The following DLGAP2 variants were observed in gnomAD, a reference collection of about 807,000 sequenced individuals.
DLGAP2 encodes the protein disks large-associated protein 2.
A neutral mutation model predicts 100.3 loss-of-function variants in DLGAP2; 26 were observed. The observed-to-expected ratio is 0.26, with a 90% CI of 0.19 to 0.36. The LOEUF (loss-of-function observed/expected upper bound fraction) is 0.36. DLGAP2 is among the 10% of genes least tolerant of loss of function. The probability of loss-of-function intolerance (pLI) is 1.00; values close to 1 mark genes in which losing one functional copy is unlikely to be tolerated. For synonymous variants in DLGAP2, 886 were observed against 630.1 expected, an observed-to-expected ratio of 1.41 and a Z score of -6.08; for missense variants, 1,858 against 1,453.2, an observed-to-expected ratio of 1.28 and a Z score of -4.53.
chr8:1,589,175 A>T (rs1796216887), intron 6 of DLGAP2, among the ~76,000 whole-genome samples: 1 of 152,216 alleles, frequency 6.6e-6, no homozygotes, highest in East Asian at 1.9e-4. Context: ...TGCAAAAAGC[A>T]TGTAGCACTA....
intron 2 of DLGAP2, among the ~76,000 whole-genome samples, chr8:1,160,741 C>A (rs1007909682): frequency 5.3e-5 from 8 of 152,208 alleles, no homozygotes; most frequent in Non-Finnish European, 8.8e-5. Context: ...TAAAGCCACC[C>A]CGAGCCTGGC....
chr8:1,041,035 G>A (rs1044553522), intron 2 of DLGAP2, among the ~76,000 whole-genome samples: 3 of 152,182 alleles, frequency 2.0e-5, no homozygotes, highest in East Asian at 1.9e-4. Context: ...TGTGAGTGAG[G>A]ATGGCATCTT....
chr8:875,238 A>G (rs1351429941), intron 1 of DLGAP2, among the ~76,000 whole-genome samples: 1 of 152,078 alleles, frequency 6.6e-6, no homozygotes, highest in East Asian at 1.9e-4. Context: ...TAATCCATTC[A>G]CATTTAATAT....
At chr8:1,599,063 T>C (rs1240781325) in intron 6 of DLGAP2, among the ~76,000 whole-genome samples, 1 of 152,244 alleles carries the variant, frequency 6.6e-6, no homozygotes, top group Non-Finnish European at 1.5e-5. Context: ...TCTGGTATGT[T>C]GTGTCTTTGT....
At chr8:852,483 T>C (rs566231399) in intron 1 of DLGAP2, among the ~76,000 whole-genome samples, 1 of 152,252 alleles carries the variant, frequency 6.6e-6, no homozygotes, top group Non-Finnish European at 1.5e-5. Flanking sequence ...TAAATTGTAA[T>C]GAATTATTAG....
chr8:1,343,380 G>T (rs537299340), intron 3 of DLGAP2, among the ~76,000 whole-genome samples: 1 of 152,254 alleles, frequency 6.6e-6, no homozygotes, highest in South Asian at 2.1e-4. Flanking sequence ...AACCGGAGTT[G>T]CCCACGAGCC....
intron 1 of DLGAP2, among the ~76,000 whole-genome samples, chr8:825,488 T>C (rs1796670527): frequency 6.6e-6 from 1 of 152,240 alleles, no homozygotes; most frequent in Admixed American, 6.5e-5. Flanking sequence ...CACCAAGTCC[T>C]GTGGGCAAAG....
At chr8:1,337,899 C>T (rs1225757503) in intron 3 of DLGAP2, among the ~76,000 whole-genome samples, 1 of 152,172 alleles carries the variant, frequency 6.6e-6, no homozygotes, top group Non-Finnish European at 1.5e-5. Flanking sequence ...AACAGTTCTC[C>T]AAAGAAGGCC....
At chr8:1,244,935 G>A (rs7821163) in intron 2 of DLGAP2, among the ~76,000 whole-genome samples, 30,720 of 152,170 alleles carry the variant, frequency 0.2, 3,796 homozygotes, top group African/African-American at 0.34. Flanking sequence ...AAGACAAGCC[G>A]AGAAAGGGAT....
intron 2 of DLGAP2, among the ~76,000 whole-genome samples, chr8:964,586 G>A (rs895531728): frequency 2.6e-5 from 4 of 152,244 alleles, no homozygotes; most frequent in African/African-American, 4.8e-5. Flanking sequence ...TTCCCCACGC[G>A]GGAAGCCAGA....
intron 3 of DLGAP2, among the ~76,000 whole-genome samples, chr8:1,417,703 C>A (rs1336944204): frequency 1.4e-5 from 2 of 146,942 alleles, no homozygotes; most frequent in Non-Finnish European, 3.0e-5. Context: ...GGCCCCACTC[C>A]TGCCTCACTC....
chr8:1,117,236 G>A (rs1250324542), intron 2 of DLGAP2, among the ~76,000 whole-genome samples: 1 of 152,222 alleles, frequency 6.6e-6, no homozygotes, highest in East Asian at 1.9e-4. Flanking sequence ...CCGAGCTAGT[G>A]CCTCGGGGCT....
intron 1 of DLGAP2, among the ~76,000 whole-genome samples, chr8:778,831 GAGGC>G (rs1269203004): frequency 6.6e-6 from 1 of 152,252 alleles, no homozygotes; most frequent in African/African-American, 2.4e-5. Flanking sequence ...GGAGCCTACA[GAGGC>G]AGGCAGGCCT....
chr8:1,063,571 C>T (rs1364098454), intron 2 of DLGAP2, among the ~76,000 whole-genome samples: 1 of 147,888 alleles, frequency 6.8e-6, no homozygotes. Context: ...AAATATGCAC[C>T]TCTTTAAATG....
At chr8:1,309,789 T>C (rs1800571294) in intron 3 of DLGAP2, among the ~76,000 whole-genome samples, 1 of 152,212 alleles carries the variant, frequency 6.6e-6, no homozygotes, top group Admixed American at 6.5e-5. Flanking sequence ...GTGCACTCAA[T>C]GTGTAAAGGT....
chr8:1,291,355 G>A (rs1195887611), intron 3 of DLGAP2, among the ~76,000 whole-genome samples: 1 of 152,116 alleles, frequency 6.6e-6, no homozygotes, highest in Non-Finnish European at 1.5e-5. Context: ...GAAGCAAGCA[G>A]GAGTAGCTAT....
chr8:865,007 A>C (rs1797467852), intron 1 of DLGAP2, among the ~76,000 whole-genome samples: 1 of 152,192 alleles, frequency 6.6e-6, no homozygotes, highest in African/African-American at 2.4e-5. Context: ...GAACATCTGA[A>C]TCTTTTCTAG....
At chr8:1,583,495 G>C (rs1241412833) in intron 6 of DLGAP2, among the ~76,000 whole-genome samples, 3 of 152,156 alleles carry the variant, frequency 2.0e-5, no homozygotes, top group Non-Finnish European at 4.4e-5. Context: ...AGGGAGCGTC[G>C]GGGCTGCTTT....
At chr8:1,490,361 T>G (rs1008993139) in intron 3 of DLGAP2, among the ~76,000 whole-genome samples, 5 of 152,214 alleles carry the variant, frequency 3.3e-5, no homozygotes, top group Non-Finnish European at 5.9e-5. Flanking sequence ...GAAGCCAATC[T>G]CAGGCATCCA....
Sources: allele counts gnomAD v4.1 joint callset (sites outside exome capture counted in the v4.1 genomes callset), GRCh38; gene constraint gnomAD v4.1.1; transcripts MANE v1.5; gene names NCBI Gene and HGNC (gene_info 2026-07-23, HGNC 2026-07-21).